MAP3K7CL: variants seen among roughly 807,000 people sequenced by gnomAD.
The protein encoded by MAP3K7CL is MAP3K7 C-terminal like.
MAP3K7CL carries 16 observed loss-of-function variants against 18.6 expected under a neutral mutation model. The observed-to-expected ratio is 0.86, with a 90% CI of 0.58 to 1.31. MAP3K7CL has a LOEUF of 1.31. Among genes scored for constraint, MAP3K7CL ranks in the 50% most tolerant of loss-of-function variants. The pLI is 0.00. For synonymous variants in MAP3K7CL, 65 were observed against 66.8 expected (o/e 0.97, Z 0.13); for missense variants, 163 against 174.4 (o/e 0.93, Z 0.37).
At chr21:29,163,983 A>G (rs2087621307) in intron 4 of MAP3K7CL, among the ~76,000 whole-genome samples, 1 of 151,984 alleles carries the variant, frequency 6.6e-6, no homozygotes, top group Admixed American at 6.6e-5. Context: ...CAGAGTCAAT[A>G]TCAGCAATAA....
chr21:29,174,405 A>G (rs1399298967), intron 4 of MAP3K7CL, among the ~76,000 whole-genome samples: 1 of 152,176 alleles, frequency 6.6e-6, no homozygotes, highest in Non-Finnish European at 1.5e-5. Context: ...TTTTACACAG[A>G]TATTTTTCTA....
intron 4 of MAP3K7CL, among the ~76,000 whole-genome samples, chr21:29,098,255 C>G (rs1268450013): frequency 6.6e-6 from 1 of 152,202 alleles, no homozygotes; most frequent in Non-Finnish European, 1.5e-5. Flanking sequence ...ATTTTTCTCT[C>G]CGTGTGCTCC....
At chr21:29,171,169 AT>A (rs1366318491) in intron 4 of MAP3K7CL, among the ~76,000 whole-genome samples, 1 of 152,070 alleles carries the variant, frequency 6.6e-6, no homozygotes, top group Non-Finnish European at 1.5e-5. Flanking sequence ...CTATTTCCTC[AT>A]TTTTAAAACA....
intron 3 of MAP3K7CL, among the ~76,000 whole-genome samples, chr21:29,159,005 C>T (rs1014133784): frequency 1.3e-5 from 2 of 149,586 alleles, no homozygotes; most frequent in African/African-American, 4.9e-5. Context: ...ACTGCAACCT[C>T]CACCTCCTGG....
Position 29,149,240 on chromosome 21 carries a change from A to G in MAP3K7CL, c.122A>G (p.Gln41Arg). 6.2e-7 allele frequency: 1 copy of G among 1,613,762 alleles called. No homozygotes were observed. ...SIPLVFPELD[Q>R]QLQPLPPCHD... Reference sequence around the variant, plus strand: ...CCTTTGGTCTTTCCAGAATTAGACCAGCAGCTACAGGTAAGGATTTTTCTA... The same window carrying G: ...CCTTTGGTCTTTCCAGAATTAGACCGGCAGCTACAGGTAAGGATTTTTCTA... Residue 41 changes from glutamine (Q) to arginine (R), a missense_variant, in exon 3 of 5, where the codon CAG becomes CGG. Physicochemically the swap from Gln to Arg is conservative, Grantham distance 43. Transcript: ENST00000399928.
intron 3 of MAP3K7CL, among the ~76,000 whole-genome samples, chr21:29,150,883 T>C (rs1213034400): frequency 6.7e-6 from 1 of 150,216 alleles, no homozygotes; most frequent in Non-Finnish European, 1.5e-5. Flanking sequence ...GATTCTCCCA[T>C]CTCAGCCTCC....
At chr21:29,096,616 A>G (rs973633615) in intron 4 of MAP3K7CL, among the ~76,000 whole-genome samples, 2 of 152,192 alleles carry the variant, frequency 1.3e-5, no homozygotes, top group African/African-American at 4.8e-5. Context: ...GAGCACAGAG[A>G]GTGAAAGGGA....
At chr21:29,153,922 T>C (rs2250935) in intron 3 of MAP3K7CL, among the ~76,000 whole-genome samples, 135,055 of 152,244 alleles carry the variant, frequency 0.89, 60,204 homozygotes, top group African/African-American at 0.94. Flanking sequence ...TCCAAAACTA[T>C]GCTATAACGT....
chr21:29,084,466 A>G (rs1047401981), upstream of MAP3K7CL, among the ~76,000 whole-genome samples: 6 of 152,164 alleles, frequency 3.9e-5, no homozygotes. Flanking sequence ...GATGGTTCAA[A>G]TGCTTATCAG....
At chr21:29,168,981 T>G (rs2087757505) in intron 4 of MAP3K7CL, among the ~76,000 whole-genome samples, 1 of 152,230 alleles carries the variant, frequency 6.6e-6, no homozygotes, top group Non-Finnish European at 1.5e-5. Context: ...AGTGGGAATC[T>G]CCACTTCCTT....
intron 2 of MAP3K7CL, among the ~76,000 whole-genome samples, chr21:29,134,620 G>T (rs2086844789): frequency 6.6e-6 from 1 of 152,204 alleles, no homozygotes; most frequent in Admixed American, 6.5e-5. Context: ...CTCACTCAGG[G>T]TCACCCTGAA....
At position 29,087,748 on chromosome 21, in the gene MAP3K7CL, C is replaced by T. The variant is rs539880878; in HGVS notation, c.57+1831C>T. Among the ~76,000 whole-genome samples, 169 of 152,064 alleles carry T rather than the reference C, an allele frequency of 1.1e-3. 1 individual carries two copies. The highest frequency in any genetic ancestry group is 3.9e-3 in the African/African-American group (163 of 41,494). On this transcript the variant is annotated intron_variant, in intron 1 of 6. Transcript: ENST00000286791. ...AGCTGGGACCACAGGCTCCCACCAC[C>T]ACGACCGGCTAATTTTTTGTATTTT...
intron 3 of MAP3K7CL, among the ~76,000 whole-genome samples, chr21:29,152,373 G>A (rs1345039972): frequency 6.6e-6 from 1 of 152,130 alleles, no homozygotes; most frequent in Non-Finnish European, 1.5e-5. Flanking sequence ...ATGTACAAAA[G>A]GAACAATCTA....
At chr21:29,077,137 G>A (rs943470658), upstream of MAP3K7CL, among the ~76,000 whole-genome samples, 12 of 152,260 alleles carry the variant, frequency 7.9e-5, no homozygotes, top group African/African-American at 2.7e-4. Context: ...GCTTCACCCA[G>A]TGGATCACGC....
chr21:29,147,394 C>T (rs1466548396), intron 2 of MAP3K7CL, among the ~76,000 whole-genome samples: 1 of 151,400 alleles, frequency 6.6e-6, no homozygotes, highest in Non-Finnish European at 1.5e-5. Flanking sequence ...ATGTACTGTA[C>T]TGCATATATA....
chr21:29,100,700 CTTTTTTT>C (rs34749282), intron 4 of MAP3K7CL, among the ~76,000 whole-genome samples: 3 of 68,690 alleles, frequency 4.4e-5, no homozygotes, highest in East Asian at 4.4e-4. Context: ...AAACAGCAAA[CTTTTTTT>C]TTTTTTTTTT....
At chr21:29,100,254 T>G (rs1274701384) in intron 4 of MAP3K7CL, among the ~76,000 whole-genome samples, 1 of 152,226 alleles carries the variant, frequency 6.6e-6, no homozygotes, top group Admixed American at 6.5e-5. Flanking sequence ...TTGAGTAATC[T>G]TCAAACCCTT....
chr21:29,162,897 G>A (rs1177089821), intron 4 of MAP3K7CL, among the ~76,000 whole-genome samples: 1 of 152,096 alleles, frequency 6.6e-6, no homozygotes, highest in Non-Finnish European at 1.5e-5. Flanking sequence ...CTGAGGTCAG[G>A]AGTTTGAGAC....
chr21:29,085,778 T>C, upstream of MAP3K7CL: 2 of 1,412,682 alleles, frequency 1.4e-6, no homozygotes, highest in Non-Finnish European at 2.0e-6. Context: ...TTGCGATGGC[T>C]TTGATGCAGA....
Sources: gnomAD v4.1 joint callset for allele counts (sites outside exome capture counted in the v4.1 genomes callset) on GRCh38, gnomAD v4.1.1 for gene constraint, MANE v1.5 for transcripts, NCBI Gene and HGNC (gene_info 2026-07-23, HGNC 2026-07-21) for gene names.